The following METTL15 variants were observed in gnomAD, a reference collection of about 807,000 sequenced individuals.
METTL15 encodes 12S rRNA N(4)-cytidine methyltransferase METTL15.
METTL15 carries 34 observed loss-of-function variants against 38.3 expected under a neutral mutation model. The observed-to-expected ratio is 0.89, with a 90% CI of 0.68 to 1.18. The LOEUF is 1.18. Among genes scored for constraint, METTL15 ranks in the 50% most tolerant of loss-of-function variants. The pLI, the probability that METTL15 is intolerant of heterozygous loss-of-function variation, is 0.00. For missense variants in METTL15, 438 were observed against 498.4 expected (o/e 0.88, Z 1.15); for synonymous variants, 162 against 170.9 (o/e 0.95, Z 0.41).
At chr11:28,478,311 A>C (rs1325221908) in intron 6 of METTL15, among the ~76,000 whole-genome samples, 3 of 152,268 alleles carry the variant, frequency 2.0e-5, no homozygotes, top group East Asian at 1.9e-4. Context: ...TAAAGCTATG[A>C]ATCTAAAGAC....
chr11:28,516,174 A>G (rs1411861674), intron 6 of METTL15, among the ~76,000 whole-genome samples: 1 of 152,224 alleles, frequency 6.6e-6, no homozygotes, highest in East Asian at 1.9e-4. Context: ...ACAGTCATCT[A>G]GAATGATTGT....
intron 3 of METTL15, among the ~76,000 whole-genome samples, chr11:28,210,233 T>A (rs1005526540): frequency 1.3e-5 from 2 of 152,018 alleles, no homozygotes; most frequent in Non-Finnish European, 2.9e-5. Flanking sequence ...TGTACTTAAG[T>A]ACATCCTATC....
chr11:28,397,974 A>C (rs1333038370), intron 5 of METTL15, among the ~76,000 whole-genome samples: 1 of 152,136 alleles, frequency 6.6e-6, no homozygotes, highest in Non-Finnish European at 1.5e-5. Context: ...CATTCTCAGC[A>C]AACTATCACA....
chr11:28,372,876 T>A (rs2133376842), intron 5 of METTL15, among the ~76,000 whole-genome samples: 1 of 147,600 alleles, frequency 6.8e-6, no homozygotes, highest in African/African-American at 2.5e-5. Flanking sequence ...GGTGTTTGGT[T>A]TTTTGTTCTT....
chr11:28,431,324 T>C (rs1272281049), intron 6 of METTL15, among the ~76,000 whole-genome samples: 100 of 141,362 alleles, frequency 7.1e-4, no homozygotes, highest in African/African-American at 2.4e-3. Flanking sequence ...AATGGCGGCT[T>C]TGTGGAATAG....
intron 4 of METTL15, among the ~76,000 whole-genome samples, chr11:28,237,025 G>T (rs1854019496): frequency 1.3e-5 from 2 of 152,078 alleles, no homozygotes; most frequent in African/African-American, 4.8e-5. Context: ...CTCTGTGGCT[G>T]CCCTTATAAT....
rs191757037 is a variant in METTL15 at position 28,319,928 on chromosome 11, C to T, written c.779-10468C>T. Among the ~76,000 whole-genome samples the T allele has an allele frequency of 6.3e-4, 96 of 152,214 alleles. 1 individual carries two copies. The East Asian group carries it at 0.014, about 22-fold the overall frequency. On this transcript the variant is annotated intron_variant, in intron 6 of 6. Coordinates refer to ENST00000407364, the MANE Select transcript of METTL15 (RefSeq NM_001113528.2). ...GGACTGAAGTTTGGAAAATGCTGTG[C>T]GATACAGAGTCAATGTTCTTCTGTC...
intron 6 of METTL15, among the ~76,000 whole-genome samples, chr11:28,438,969 G>A (rs1191856307): frequency 4.0e-5 from 6 of 151,380 alleles, no homozygotes; most frequent in African/African-American, 7.3e-5. Context: ...GAGCCACCGC[G>A]CCCAGCCAGA....
chr11:28,113,039 A>G (rs1297183010), intron 2 of METTL15, among the ~76,000 whole-genome samples: 1 of 152,174 alleles, frequency 6.6e-6, no homozygotes, highest in Admixed American at 6.5e-5. Flanking sequence ...ATCAATTTTC[A>G]TATCCCTAAT....
At chr11:28,254,991 A>G (rs1028987842) in intron 4 of METTL15, among the ~76,000 whole-genome samples, 2 of 151,912 alleles carry the variant, frequency 1.3e-5, no homozygotes, top group African/African-American at 4.8e-5. Flanking sequence ...GTTTTTTTCT[A>G]TTTCTGTGAA....
chr11:28,365,561 C>CT (rs576953048), intron 5 of METTL15, among the ~76,000 whole-genome samples: 6 of 151,374 alleles, frequency 4.0e-5, no homozygotes, highest in South Asian at 2.1e-4. Flanking sequence ...AATCTTCTCT[C>CT]TTTTTTTTTC....
intron 3 of METTL15, among the ~76,000 whole-genome samples, chr11:28,193,267 A>C (rs1851767212): frequency 6.6e-6 from 1 of 152,122 alleles, no homozygotes; most frequent in Admixed American, 6.6e-5. Context: ...TTTATAAAGA[A>C]AAGAAGTTCT....
chr11:28,256,373 A>G (rs757141420), intron 4 of METTL15, among the ~76,000 whole-genome samples: 3 of 152,134 alleles, frequency 2.0e-5, no homozygotes, highest in Non-Finnish European at 2.9e-5. Context: ...TATGGCTTCA[A>G]TCTCATTACT....
chr11:28,133,237 A>G (rs1013367441), intron 3 of METTL15, among the ~76,000 whole-genome samples: 4 of 152,166 alleles, frequency 2.6e-5, no homozygotes, highest in African/African-American at 9.6e-5. Flanking sequence ...ATGGTGGTTC[A>G]AGGGTGCAAG....
At chr11:28,406,195 G>C (rs185778008) in intron 5 of METTL15, among the ~76,000 whole-genome samples, 6 of 152,056 alleles carry the variant, frequency 3.9e-5, no homozygotes, top group African/African-American at 1.4e-4. Context: ...AAATTACTTT[G>C]GGCAGTATGG....
At position 28,312,390 on chromosome 11, in the gene METTL15, T is replaced by C. The variant is rs575427517; in HGVS notation, c.778+15459T>C. Reference sequence around the variant, plus strand: ...GTTATGCATAGTCTCCTGGAAAACATTAGTCTAGAGCCCTTTGGGCTTCAG... The same window carrying C: ...GTTATGCATAGTCTCCTGGAAAACACTAGTCTAGAGCCCTTTGGGCTTCAG... On this transcript the variant is annotated intron_variant, in intron 6 of 6. Transcript: ENST00000407364. Among the ~76,000 whole-genome samples the C allele has an allele frequency of 4.6e-5, 7 of 152,272 alleles. No individual in the cohort carries two copies. The South Asian group carries it at 1.5e-3, about 32-fold the overall frequency.
At chr11:28,404,630 T>C (rs1850658935) in intron 5 of METTL15, among the ~76,000 whole-genome samples, 1 of 152,102 alleles carries the variant, frequency 6.6e-6, no homozygotes, top group East Asian at 1.9e-4. Context: ...ATATGCATTT[T>C]GAGGGGACAC....
downstream of METTL15, among the ~76,000 whole-genome samples, chr11:28,531,476 G>A (rs1389939058): frequency 6.6e-6 from 1 of 151,988 alleles, no homozygotes; most frequent in African/African-American, 2.4e-5. Flanking sequence ...ACAGTGAAAG[G>A]AGAACAGATT....
rs909073674 is a variant in METTL15, at chr11:28,113,534, C to G, written c.200C>G (p.Thr67Ser). The change falls in exon 3 of 7, where the codon ACT (threonine) becomes AGT (serine). Residue 67 changes from threonine to serine, a missense_variant. Physicochemically the swap from Thr to Ser is moderately conservative, Grantham distance 58. Transcript: ENST00000407364. ...AGATCTCAAGATAGAGATTTTGAAACTATGGCTAAATTACATATTCCAGTA... is the reference window on the plus strand; with the variant it reads ...AGATCTCAAGATAGAGATTTTGAAAGTATGGCTAAATTACATATTCCAGTA... ...LHRSQDRDFE[T>S]MAKLHIPVMV... 5.6e-6 allele frequency: 9 copies of G among 1,613,650 alleles called. No homozygotes were observed. Among genetic ancestry groups the G allele is most frequent in the Admixed American group, 3.3e-5 (2 of 59,988 alleles).
Sources: gnomAD v4.1 joint callset for allele counts (sites outside exome capture counted in the v4.1 genomes callset) on GRCh38, gnomAD v4.1.1 for gene constraint, MANE v1.5 for transcripts, NCBI Gene and HGNC (gene_info 2026-07-23, HGNC 2026-07-21) for gene names.